SPMIP2: variants seen among roughly 807,000 people sequenced by gnomAD.
SPMIP2 encodes sperm microtubule inner protein 2.
At chr4:158,967,140 T>C in the SPMIP2 span, among the ~76,000 whole-genome samples, 1 of 152,216 alleles carries the variant, frequency 6.6e-6, no homozygotes, top group Non-Finnish European at 1.5e-5. Context: ...TTTCTGGAAA[T>C]TTAGATATAA....
the SPMIP2 span, among the ~76,000 whole-genome samples, chr4:159,042,933 G>T: frequency 6.6e-6 from 1 of 152,168 alleles, no homozygotes; most frequent in Non-Finnish European, 1.5e-5. Context: ...CAAGTGCTGG[G>T]ATTACAGGCT....
the SPMIP2 span, among the ~76,000 whole-genome samples, chr4:158,972,574 T>C: frequency 1.3e-5 from 2 of 152,218 alleles, no homozygotes; most frequent in South Asian, 2.1e-4. Context: ...CTCATGCCTA[T>C]GTCTACATCA....
chr4:158,984,962 T>A, the SPMIP2 span, among the ~76,000 whole-genome samples: 2 of 151,890 alleles, frequency 1.3e-5, no homozygotes, highest in African/African-American at 4.8e-5. Flanking sequence ...TCACCACCGA[T>A]CCCATAGAAA....
chr4:159,071,908 G>T, the SPMIP2 span, among the ~76,000 whole-genome samples: 6 of 152,246 alleles, frequency 3.9e-5, no homozygotes, highest in African/African-American at 1.4e-4. Context: ...GGGGTTAGTA[G>T]ACCTGCAAGG....
chr4:159,012,681 C>G, the SPMIP2 span, among the ~76,000 whole-genome samples: 1 of 152,082 alleles, frequency 6.6e-6, no homozygotes, highest in African/African-American at 2.4e-5. Flanking sequence ...AAATGATCCT[C>G]CCACCTCAGC....
the SPMIP2 span, among the ~76,000 whole-genome samples, chr4:159,028,623 A>C: frequency 6.6e-6 from 1 of 152,192 alleles, no homozygotes; most frequent in Admixed American, 6.6e-5. Context: ...GTGCCACCGC[A>C]TTCAGCCCAA....
the SPMIP2 span, among the ~76,000 whole-genome samples, chr4:159,078,894 A>T: frequency 6.6e-6 from 1 of 152,052 alleles, no homozygotes; most frequent in Non-Finnish European, 1.5e-5. Flanking sequence ...GAGGCGGGTG[A>T]ATCACTTGAG....
At chr4:159,076,960 C>A in the SPMIP2 span, among the ~76,000 whole-genome samples, 1 of 152,050 alleles carries the variant, frequency 6.6e-6, no homozygotes, top group Non-Finnish European at 1.5e-5. Context: ...CTCAGCCTCC[C>A]GAATATCTGG....
At chr4:158,969,010 CT>C in the SPMIP2 span, among the ~76,000 whole-genome samples, 1 of 152,020 alleles carries the variant, frequency 6.6e-6, no homozygotes, top group East Asian at 1.9e-4. Flanking sequence ...CACGATTCTC[CT>C]TATTACCTCA....
the SPMIP2 span, among the ~76,000 whole-genome samples, chr4:158,903,394 G>A: frequency 1.3e-5 from 2 of 152,136 alleles, no homozygotes; most frequent in Non-Finnish European, 2.9e-5. Context: ...ATCTTGCTGG[G>A]AGCTGCAGAC....
chr4:159,042,693 C>T, the SPMIP2 span, among the ~76,000 whole-genome samples: 3,577 of 152,168 alleles, frequency 0.024, 160 homozygotes, highest in African/African-American at 0.082. Context: ...GACAGAGTCT[C>T]GCTCTGTTAC....
chr4:158,906,161 T>A, the SPMIP2 span: 1 of 152,052 alleles, frequency 6.6e-6, no homozygotes, highest in Non-Finnish European at 1.5e-5. Flanking sequence ...TGCCTAGCAT[T>A]TGACTTTGGT....
chr4:159,001,203 T>G, the SPMIP2 span, among the ~76,000 whole-genome samples: 157 of 152,350 alleles, frequency 1.0e-3, 2 homozygotes, highest in Admixed American at 0.01. Flanking sequence ...TATGTAGTGA[T>G]ACCTCATTGC....
At chr4:158,948,032 CTT>C in the SPMIP2 span, among the ~76,000 whole-genome samples, 1 of 152,170 alleles carries the variant, frequency 6.6e-6, no homozygotes, top group South Asian at 2.1e-4. Flanking sequence ...AAAGCAACCA[CTT>C]TTAGCCCATA....
chr4:158,949,509 G>A, the SPMIP2 span, among the ~76,000 whole-genome samples: 2 of 152,148 alleles, frequency 1.3e-5, no homozygotes, highest in African/African-American at 4.8e-5. Flanking sequence ...GCTAAGAGGT[G>A]GTGAAGCTGG....
At chr4:158,939,148 A>G in the SPMIP2 span, among the ~76,000 whole-genome samples, 1 of 152,328 alleles carries the variant, frequency 6.6e-6, no homozygotes, top group South Asian at 2.1e-4. Context: ...GATCGGTAGC[A>G]ATTGGAGTGA....
At chr4:159,020,672 T>C in the SPMIP2 span, among the ~76,000 whole-genome samples, 93 of 152,302 alleles carry the variant, frequency 6.1e-4, no homozygotes, top group Non-Finnish European at 1.0e-3. Flanking sequence ...ATACATAATT[T>C]TCTTAAGGCC....
chr4:159,049,014 G>T, the SPMIP2 span, among the ~76,000 whole-genome samples: 2 of 152,068 alleles, frequency 1.3e-5, no homozygotes, highest in East Asian at 1.9e-4. Flanking sequence ...AAATGTTAAG[G>T]TTATGTCAGG....
the SPMIP2 span, among the ~76,000 whole-genome samples, chr4:158,989,983 A>C: frequency 0.63 from 95,778 of 152,034 alleles, 30,527 homozygotes; most frequent in Middle Eastern, 0.71. Context: ...ATCTATCCAT[A>C]TGACAAAGGG....
Sources: gnomAD v4.1 joint callset for allele counts (sites outside exome capture counted in the v4.1 genomes callset) on GRCh38, gnomAD v4.1.1 for gene constraint, MANE v1.5 for transcripts, NCBI Gene and HGNC (gene_info 2026-07-23, HGNC 2026-07-21) for gene names.